The following CACUL1 variants were observed in gnomAD, a reference collection of about 807,000 sequenced individuals.
CACUL1 encodes the protein CDK2 associated cullin domain 1.
CACUL1 carries 13 observed loss-of-function variants against 45.2 expected under a neutral mutation model. The ratio of observed to expected loss-of-function variants is 0.29; its 90% CI spans 0.19 to 0.46. The LOEUF (loss-of-function observed/expected upper bound fraction) is 0.46, where lower values mean the gene tolerates loss of function less well. CACUL1 is among the 20% of genes least tolerant of loss of function. CACUL1 has a pLI of 1.00. For missense variants in CACUL1, 421 were observed against 471.4 expected (o/e 0.89, Z 0.99); for synonymous variants, 197 against 174.2 (o/e 1.13, Z -1.03).
chr10:118,720,406 T>C (rs1387308762), intron 3 of CACUL1, among the ~76,000 whole-genome samples: 1 of 152,256 alleles, frequency 6.6e-6, no homozygotes, highest in Non-Finnish European at 1.5e-5. Context: ...TTACACTACT[T>C]ACACCTATTT....
At chr10:118,733,858 A>T (rs1025784140) in intron 1 of CACUL1, among the ~76,000 whole-genome samples, 1 of 122 alleles carries the variant, frequency 8.2e-3, no homozygotes, top group African/African-American at 0.018. Context: ...CAAAAACTTA[A>T]AAAAAAAAAT....
At chr10:118,736,215 A>C (rs533364380) in intron 1 of CACUL1, among the ~76,000 whole-genome samples, 2 of 152,166 alleles carry the variant, frequency 1.3e-5, no homozygotes, top group Non-Finnish European at 2.9e-5. Context: ...GCCATACAGA[A>C]ATTTTTTTAA....
At chr10:118,754,270 G>T (rs1363847776) in intron 1 of CACUL1, 126 bp downstream of exon 1, 2 of 1,363,196 alleles carry the variant, frequency 1.5e-6, no homozygotes, top group East Asian at 5.7e-5. Flanking sequence ...AGGCGAAGGC[G>T]GACGGGGAGA....
intron 3 of CACUL1, among the ~76,000 whole-genome samples, chr10:118,722,737 T>A (rs1055345645): frequency 8.5e-5 from 13 of 152,126 alleles, no homozygotes; most frequent in Admixed American, 8.5e-4. Flanking sequence ...GAGGAAGAAA[T>A]CTACTCCAAA....
In CACUL1 at chr10:118,682,893, G is replaced by A. The variant is rs552647226; in HGVS notation, c.*3235C>T. On this transcript the variant is annotated 3_prime_UTR_variant, in exon 9 of 9. Coordinates refer to ENST00000369151, the MANE Select transcript of CACUL1 (RefSeq NM_153810.5). ...GGTAATTGCTGCAAATTTGTTAAAG[G>A]GACAGAAGAAAAAGTAGCTTGTCTA... 4 of 152,282 alleles carry A rather than the reference G, an allele frequency of 2.6e-5. No individual in the cohort carries two copies. Among genetic ancestry groups the A allele is most frequent in the African/African-American group, 7.2e-5 (3 of 41,512 alleles). The allele number at this position is 152,282 out of a possible 1,614,324, so 9.4% of individuals were successfully genotyped here.
At chr10:118,702,819 T>C (rs550501313) in intron 4 of CACUL1, among the ~76,000 whole-genome samples, 75 of 152,240 alleles carry the variant, frequency 4.9e-4, no homozygotes, top group Non-Finnish European at 8.4e-4. Context: ...TGACCTCAGG[T>C]GATCCGCCAG....
At chr10:118,712,210 G>A (rs1428494960) in intron 3 of CACUL1, among the ~76,000 whole-genome samples, 4 of 152,206 alleles carry the variant, frequency 2.6e-5, no homozygotes, top group Non-Finnish European at 1.5e-5. Flanking sequence ...GGCCTACTGG[G>A]CTCATTTTGC....
chr10:118,678,449 GA>G lies in CACUL1; in HGVS notation c.*7678del, dbSNP rs1845118299. On this transcript the variant is annotated 3_prime_UTR_variant, in exon 9 of 9. Transcript: ENST00000369151. ...TCACAATCCATTCAGAAAGGTCTTG[GA>G]TATCCTTGGCCCTTTGCTCTTCCAT... is the stretch of plus-strand genomic sequence containing the variant. 6.6e-6 allele frequency: 1 copy of G among 152,110 alleles called. No individual in the cohort carries two copies. Among genetic ancestry groups the G allele is most frequent in the South Asian group, 2.1e-4 (1 of 4,830 alleles). 9.4% of individuals were successfully genotyped at this position (152,110 alleles called of 1,614,324 possible). A position where few individuals can be genotyped will look rare whatever the true frequency, so the allele number is the denominator to read the frequency against.
At chr10:118,695,081 C>T in intron 6 of CACUL1, 60 bp downstream of exon 6, 1 of 1,024,832 alleles carries the variant, frequency 9.8e-7, no homozygotes. Context: ...AGAACCACTG[C>T]CCTCTTGGAA....
intron 6 of CACUL1, among the ~76,000 whole-genome samples, chr10:118,694,129 G>C (rs1296852156): frequency 1.3e-5 from 2 of 152,162 alleles, no homozygotes; most frequent in Admixed American, 1.3e-4. Flanking sequence ...CTCCCAAAGT[G>C]CTGGGGATCA....
chr10:118,730,327 T>G lies in CACUL1; in HGVS notation c.451A>C (p.Ser151Arg). ...DGAIDQLLTQ[S>R]PGDYIPISYE... ...GATATGGGGATATAGTCACCAGGACTCTGAGTTAAAAGTTGATCTATGGCA... is the reference window on the plus strand; with the variant it reads ...GATATGGGGATATAGTCACCAGGACGCTGAGTTAAAAGTTGATCTATGGCA... The change falls in exon 2 of 9, where the codon AGT (serine) becomes CGT (arginine). Residue 151 changes from serine to arginine, a missense_variant. Coordinates refer to ENST00000369151, the MANE Select transcript of CACUL1 (RefSeq NM_153810.5). The G allele has an allele frequency of 1.2e-6, 2 of 1,614,050 alleles. No individual in the cohort carries two copies. Among genetic ancestry groups the G allele is most frequent in the Non-Finnish European group, 1.7e-6 (2 of 1,179,892 alleles).
intron 1 of CACUL1, among the ~76,000 whole-genome samples, chr10:118,741,279 G>A (rs774116902): frequency 6.6e-5 from 10 of 152,082 alleles, no homozygotes; most frequent in South Asian, 2.1e-4. Context: ...AGAGTTTGGC[G>A]AATCTCAAAT....
At chr10:118,738,108 G>T (rs1444505167) in intron 1 of CACUL1, among the ~76,000 whole-genome samples, 1 of 152,220 alleles carries the variant, frequency 6.6e-6, no homozygotes, top group Admixed American at 6.5e-5. Context: ...GCTTGAAGCA[G>T]GTGCTGAGGT....
intron 3 of CACUL1, among the ~76,000 whole-genome samples, chr10:118,721,843 A>G (rs1845603733): frequency 6.6e-6 from 1 of 152,258 alleles, no homozygotes; most frequent in Non-Finnish European, 1.5e-5. Flanking sequence ...ACATTAGCAT[A>G]TACAATAAAT....
At chr10:118,732,582 T>C (rs1392757900) in intron 1 of CACUL1, among the ~76,000 whole-genome samples, 2 of 152,142 alleles carry the variant, frequency 1.3e-5, no homozygotes, top group Non-Finnish European at 2.9e-5. Flanking sequence ...TACTGAGGAT[T>C]CAGTGTCATT....
At chr10:118,739,601 C>T (rs147861767) in intron 1 of CACUL1, among the ~76,000 whole-genome samples, 2 of 152,198 alleles carry the variant, frequency 1.3e-5, no homozygotes, top group African/African-American at 4.8e-5. Flanking sequence ...TATCCACACA[C>T]TCTCAGGAAA....
chr10:118,695,280 A>G, intron 5 of CACUL1, 50 bp from the exon 6 acceptor site: 2 of 1,006,076 alleles, frequency 2.0e-6, no homozygotes, highest in Non-Finnish European at 3.2e-6. Context: ...TTGACTGTCA[A>G]GATTTCTCTA....
In CACUL1 at chr10:118,696,124, T is replaced by C. The variant is rs540659005; in HGVS notation, c.797-894A>G. Among the ~76,000 whole-genome samples the C allele has an allele frequency of 8.5e-5, 13 of 152,302 alleles. No homozygotes were observed. In the South Asian group the frequency reaches 1.9e-3, roughly 22 times the overall value. ...CTCAAACGTACAATTTGAGTTATGT[T>C]TGAATATATATGATGGCCATCAGAG... On this transcript the variant is annotated intron_variant, in intron 5 of 8. Transcript: ENST00000369151.
chr10:118,703,732 A>G (rs1220257023), intron 4 of CACUL1, among the ~76,000 whole-genome samples: 2 of 152,224 alleles, frequency 1.3e-5, no homozygotes, highest in Non-Finnish European at 2.9e-5. Flanking sequence ...CTGAATATTG[A>G]TCAAACCTTT....
Sources: allele counts gnomAD v4.1 joint callset (sites outside exome capture counted in the v4.1 genomes callset), GRCh38; gene constraint gnomAD v4.1.1; transcripts MANE v1.5; gene names NCBI Gene and HGNC (gene_info 2026-07-23, HGNC 2026-07-21).